TRAF2: variants seen among roughly 807,000 people sequenced by gnomAD.
The protein encoded by TRAF2 is TNF receptor-associated factor 2.
A neutral mutation model predicts 55.6 loss-of-function variants in TRAF2; 6 were observed. That is an observed-to-expected ratio of 0.11 (90% CI 0.06 to 0.21). The LOEUF is 0.21. TRAF2 is among the 10% of genes least tolerant of loss of function. The probability of loss-of-function intolerance (pLI) is 1.00; values close to 1 mark genes in which losing one functional copy is unlikely to be tolerated. For missense variants in TRAF2, 561 were observed against 684.5 expected (o/e 0.82, Z 2.01); for synonymous variants, 329 against 276.3 (o/e 1.19, Z -1.89).
rs1215420186 is a variant in TRAF2 at position 136,916,543 on chromosome 9, T to G, written c.606T>G (p.Phe202Leu). The change falls in exon 7 of 11, where the codon TTT becomes TTG. Residue 202 changes from phenylalanine to leucine, a missense_variant and splice_region_variant. Physicochemically the swap from Phe to Leu is conservative, Grantham distance 22. This residue lies in a region of TRAF2 where 426 missense variants were observed against 476.8 expected (regional missense o/e 0.89). Coordinates refer to ENST00000247668, the MANE Select transcript of TRAF2 (RefSeq NM_021138.4). The part of the protein sequence containing the change: ...CGKKKIPREK[F>L]QDHVKTCGKC... ...TCTGTGACGTCACTCCCTTGTAGTT[T>G]CAGGACCACGTCAAGACTTGTGGCA... 6.2e-7 allele frequency: 1 copy of G among 1,614,020 alleles called. No individual in the cohort carries two copies. Among genetic ancestry groups the G allele is most frequent in the Non-Finnish European group, 8.5e-7 (1 of 1,179,940 alleles).
At chr9:136,901,281 T>G (rs1297023736) in intron 4 of TRAF2, among the ~76,000 whole-genome samples, 1 of 152,210 alleles carries the variant, frequency 6.6e-6, no homozygotes, top group Non-Finnish European at 1.5e-5. Context: ...TGAATGCCCT[T>G]TAAGAGGTTT....
chr9:136,905,897 G>A (rs1257336540), intron 4 of TRAF2, among the ~76,000 whole-genome samples: 1 of 152,180 alleles, frequency 6.6e-6, no homozygotes, highest in African/African-American at 2.4e-5. Flanking sequence ...GAGGTCAGGA[G>A]ATTGAGACCA....
chr9:136,882,650 T>G (rs539430021), upstream of TRAF2: 149 of 985,692 alleles, frequency 1.5e-4, no homozygotes, highest in Non-Finnish European at 1.7e-4. Context: ...GGCTGACTTT[T>G]GCTTTCTTTT....
rs1850001719 is a variant in TRAF2, at chr9:136,908,120, C to T, written c.417C>T (p.Cys139=). The T allele has an allele frequency of 2.5e-6, 4 of 1,605,998 alleles. No individual in the cohort carries two copies. Among genetic ancestry groups the T allele is most frequent in the African/African-American group, 1.3e-5 (1 of 74,942 alleles). ...CPLMLTECPA[C]KGLVRLGEKE... ...TCATGCTGACCGAATGTCCCGCGTG[C>T]AAAGGCCTGGTCCGCCTTGGTGAAA... Residue 139 remains cysteine (C), a synonymous_variant, in exon 5 of 11, where the codon TGC becomes TGT. Transcript: ENST00000247668.
At chr9:136,915,246 C>T (rs1850213505) in intron 6 of TRAF2, among the ~76,000 whole-genome samples, 1 of 152,126 alleles carries the variant, frequency 6.6e-6, no homozygotes, top group Non-Finnish European at 1.5e-5. Flanking sequence ...AAAAAAGGTG[C>T]ATTCTGAGAC....
intron 9 of TRAF2, among the ~76,000 whole-genome samples, chr9:136,921,700 T>C (rs1850389622): frequency 6.6e-6 from 1 of 151,130 alleles, no homozygotes; most frequent in South Asian, 2.1e-4. Flanking sequence ...CCCCACCTTT[T>C]TTTTTTTTAA....
At position 136,898,685 on chromosome 9, in the gene TRAF2, G is replaced by T. The variant is rs149823801; in HGVS notation, c.-28-28G>T. The T allele has an allele frequency of 2.5e-6, 4 of 1,608,774 alleles. No homozygotes were observed. The South Asian group carries it at 4.4e-5, about 18-fold the overall frequency. On this transcript the variant is annotated intron_variant, in intron 1 of 10. Coordinates refer to ENST00000247668, the MANE Select transcript of TRAF2 (RefSeq NM_021138.4). Reference sequence around the variant, plus strand: ...TCTCGAGGACTGTTCTGGAATTGAGGTGTAACGTGCTGTGTGTTCTTCCTT... The same window carrying T: ...TCTCGAGGACTGTTCTGGAATTGAGTTGTAACGTGCTGTGTGTTCTTCCTT...
chr9:136,919,090 C>T (rs148279418), intron 7 of TRAF2, among the ~76,000 whole-genome samples: 706 of 43,092 alleles, frequency 0.016, 4 homozygotes, highest in African/African-American at 0.063. Context: ...AACAGAGTCT[C>T]GCTCTGTTGG....
intron 1 of TRAF2, chr9:136,886,781 C>T (rs986099337): frequency 1.1e-4 from 22 of 194,750 alleles, no homozygotes; most frequent in African/African-American, 5.2e-4. Context: ...GGAACGCGCG[C>T]GGCCGTGCTC....
At chr9:136,912,337 T>G (rs1277638549) in intron 6 of TRAF2, among the ~76,000 whole-genome samples, 2 of 151,702 alleles carry the variant, frequency 1.3e-5, no homozygotes, top group African/African-American at 4.8e-5. Context: ...AATTTTTGTA[T>G]TTTTAGTAGA....
At chr9:136,906,079 G>A (rs1028127161) in intron 4 of TRAF2, among the ~76,000 whole-genome samples, 2 of 152,094 alleles carry the variant, frequency 1.3e-5, no homozygotes, top group Admixed American at 6.6e-5. Context: ...GCCACTGCAC[G>A]ACAGAGCAAG....
intron 3 of TRAF2, among the ~76,000 whole-genome samples, chr9:136,899,888 G>A (rs1016992437): frequency 1.9e-4 from 29 of 151,974 alleles, no homozygotes; most frequent in Non-Finnish European, 4.1e-4. Context: ...ACCAGGGGCC[G>A]GGCTCAGTGT....
chr9:136,900,376 G>A (rs1280951410), intron 3 of TRAF2, 46 bp from the exon 4 acceptor site: 1 of 1,410,952 alleles, frequency 7.1e-7, no homozygotes. Flanking sequence ...GGTTGCTGCA[G>A]GGAGTCTGGG....
intron 9 of TRAF2, 104 bp downstream of exon 9, chr9:136,921,319 G>T (rs1472696473): frequency 2.1e-6 from 3 of 1,412,944 alleles, no homozygotes; most frequent in South Asian, 2.5e-5. Flanking sequence ...GTGGGGCTGG[G>T]ATACGACCCC....
At chr9:136,913,487 C>T (rs897203015) in intron 6 of TRAF2, among the ~76,000 whole-genome samples, 14 of 151,146 alleles carry the variant, frequency 9.3e-5, no homozygotes, top group East Asian at 2.0e-4. Flanking sequence ...TTAGTAGAGA[C>T]GGGGTTTCAC....
chr9:136,899,671 C>A lies in TRAF2; in HGVS notation c.266C>A (p.Ser89Ter). Reference sequence around the variant, plus strand: ...GGCATTTCTATTTTAGAAAGCAGTTCGGTAAGTAAAATGTCTTGAAGCTAA... The same window carrying A: ...GGCATTTCTATTTTAGAAAGCAGTTAGGTAAGTAAAATGTCTTGAAGCTAA... ...EEGISILESS[S>*]AFPDNAARRE... Residue 89 changes from serine to a stop codon, truncating the protein, a stop_gained and splice_region_variant, in exon 3 of 11, where the codon TCG (serine) becomes TAG (stop). Transcript: ENST00000247668. LOFTEE classifies it high-confidence loss of function. 1.9e-6 allele frequency: 3 copies of A among 1,611,370 alleles called. No homozygotes were observed. Among genetic ancestry groups the A allele is most frequent in the Middle Eastern group, 1.7e-4 (1 of 6,048 alleles).
In TRAF2 at chr9:136,925,814, CCCCGT is replaced by C. The variant is rs768542228; in HGVS notation, c.1421_1425del (p.Pro474LeufsTer258). The C allele has an allele frequency of 6.2e-7, 1 of 1,614,256 alleles. No individual in the cohort carries two copies. The highest frequency in any genetic ancestry group is 8.5e-7 in the Non-Finnish European group (1 of 1,180,054). On this transcript the variant is annotated frameshift_variant, in exon 11 of 11. Transcript: ENST00000247668. LOFTEE classifies it high-confidence loss of function. The stretch of plus-strand genomic sequence containing the variant: ...TCGCAAGCGGCTGCCCCCTCTTCTG[CCCCGT>C]CTCCAAGATGGAGGCAAAGAATTCC...
chr9:136,921,338 C>T (rs1203103296), intron 9 of TRAF2, 123 bp downstream of exon 9: 7 of 1,245,774 alleles, frequency 5.6e-6, no homozygotes, highest in African/African-American at 1.5e-5. Flanking sequence ...CCCAGTGATA[C>T]CGGGAGCAGC....
Position 136,898,786 on chromosome 9 carries a change from C to T in TRAF2, c.46C>T (p.Gln16Ter). The T allele has an allele frequency of 6.2e-7, 1 of 1,613,728 alleles. No individual in the cohort carries two copies. ...VTPPGSLELL[Q>*]PGFSKTLLGT... The stretch of plus-strand genomic sequence containing the variant: ...CCCCCCTGGCTCCCTGGAGTTGCTA[C>T]AGCCCGGCTTCTCCAAGACCCTCCT... The change falls in exon 2 of 11, where the codon CAG (glutamine) becomes TAG (stop). Residue 16 changes from glutamine (Q) to a stop codon, truncating the protein, a stop_gained. Transcript: ENST00000247668. LOFTEE classifies it high-confidence loss of function.
Sources: gnomAD v4.1 joint callset for allele counts (sites outside exome capture counted in the v4.1 genomes callset) on GRCh38, gnomAD v4.1.1 for gene constraint, gnomAD v4.1.1 regional missense constraint, MANE v1.5 for transcripts, NCBI Gene and HGNC (gene_info 2026-07-23, HGNC 2026-07-21) for gene names.